Variants in G2E3 observed in about 807,000 individuals in gnomAD.
G2E3 encodes the protein G2/M phase-specific E3 ubiquitin-protein ligase.
Under a neutral mutation model 92.8 loss-of-function variants are expected in G2E3, and 35 were observed. The observed-to-expected ratio is 0.38, with a 90% confidence interval of 0.29 to 0.50. The LOEUF is 0.50. G2E3 is among the 20% of genes least tolerant of loss of function. The pLI, the probability that G2E3 is intolerant of heterozygous loss-of-function variation, is 0.94. For synonymous variants in G2E3, 242 were observed against 272.4 expected (o/e 0.89, Z 1.10); for missense variants, 554 against 823.8 (o/e 0.67, Z 4.01).
At position 30,588,055 on chromosome 14, in the gene G2E3, C is replaced by T. The variant is rs77257173; in HGVS notation, c.135+1240C>T. 4.8e-3 allele frequency among the ~76,000 whole-genome samples: 725 copies of T among 152,248 alleles called. 7 individuals are homozygous for T. The highest frequency in any genetic ancestry group is 0.016 in the African/African-American group (667 of 41,542). ...CTCTAAGACTACAGTCTTGTGCCTC[C>T]GTACCTCAAAGGTTAAATAGAGTAG... On this transcript the variant is annotated intron_variant, in intron 3 of 14. Coordinates refer to ENST00000206595, the MANE Select transcript of G2E3 (RefSeq NM_017769.5).
chr14:30,572,471 G>A (rs1879824680), intron 1 of G2E3, among the ~76,000 whole-genome samples: 1 of 152,120 alleles, frequency 6.6e-6, no homozygotes, highest in Admixed American at 6.6e-5. Context: ...TTGTGTCACA[G>A]TACAGTGTGG....
intron 1 of G2E3, among the ~76,000 whole-genome samples, chr14:30,564,532 C>T (rs1337129481): frequency 1.3e-5 from 2 of 152,094 alleles, no homozygotes; most frequent in Non-Finnish European, 2.9e-5. Context: ...CAGGATATCA[C>T]CATGTTGTCC....
intron 14 of G2E3, among the ~76,000 whole-genome samples, 156 bp downstream of exon 14, chr14:30,615,695 ATGAC>A (rs1423216174): frequency 6.6e-6 from 1 of 152,196 alleles, no homozygotes; most frequent in Non-Finnish European, 1.5e-5. Flanking sequence ...GCAAGTTTAT[ATGAC>A]TGAATTAAAA....
intron 6 of G2E3, among the ~76,000 whole-genome samples, chr14:30,596,908 G>C (rs1254371472): frequency 1.3e-5 from 2 of 152,160 alleles, no homozygotes; most frequent in Admixed American, 1.3e-4. Context: ...ACAGTTTCCT[G>C]TTTCCTTCTG....
chr14:30,563,002 A>G (rs1403309078), intron 1 of G2E3, among the ~76,000 whole-genome samples: 1 of 151,968 alleles, frequency 6.6e-6, no homozygotes, highest in Non-Finnish European at 1.5e-5. Context: ...TGGGGCCACT[A>G]CCAGTCTCCG....
At chr14:30,589,811 G>C (rs957790566) in intron 4 of G2E3, among the ~76,000 whole-genome samples, 4 of 151,894 alleles carry the variant, frequency 2.6e-5, no homozygotes, top group African/African-American at 7.3e-5. Context: ...ACTCCACTCT[G>C]CTGTTCTCTA....
At chr14:30,570,057 T>C (rs891843576) in intron 1 of G2E3, among the ~76,000 whole-genome samples, 3 of 152,246 alleles carry the variant, frequency 2.0e-5, no homozygotes, top group African/African-American at 4.8e-5. Flanking sequence ...ATCTTCACTT[T>C]TGAAACATAG....
At position 30,585,587 on chromosome 14, in the gene G2E3, T is replaced by C. The variant is rs562157608; in HGVS notation, c.38-1131T>C. Among the ~76,000 whole-genome samples the C allele has an allele frequency of 3.0e-4, 45 of 149,466 alleles. No individual in the cohort carries two copies. In the East Asian group the frequency reaches 3.3e-3, roughly 11 times the overall value. On this transcript the variant is annotated intron_variant, in intron 2 of 14. Coordinates refer to ENST00000206595, the MANE Select transcript of G2E3 (RefSeq NM_017769.5). ...TGTAAGTTTTTAATCTTCTCCCCCTTTTTTTTTTTGGTTAGTCTAGTTAAA... is the reference window on the plus strand; with the variant it reads ...TGTAAGTTTTTAATCTTCTCCCCCTCTTTTTTTTTGGTTAGTCTAGTTAAA...
chr14:30,588,887 A>T (rs1880858650), intron 3 of G2E3, among the ~76,000 whole-genome samples: 1 of 152,168 alleles, frequency 6.6e-6, no homozygotes, highest in Non-Finnish European at 1.5e-5. Context: ...AACTTTCTAA[A>T]ATCAAACATT....
intron 3 of G2E3, 97 bp from the exon 4 acceptor site, chr14:30,589,286 G>A: frequency 2.9e-6 from 2 of 684,048 alleles, no homozygotes; most frequent in South Asian, 4.1e-5. Context: ...GCCATTTTAT[G>A]TCTGTTTTTT....
intron 5 of G2E3, among the ~76,000 whole-genome samples, chr14:30,592,921 G>T (rs1881091588): frequency 6.6e-6 from 1 of 152,132 alleles, no homozygotes; most frequent in East Asian, 1.9e-4. Flanking sequence ...AAACATCAAG[G>T]TTTTATGAAT....
intron 8 of G2E3, among the ~76,000 whole-genome samples, chr14:30,600,742 G>C (rs1431447151): frequency 6.6e-6 from 1 of 152,166 alleles, no homozygotes; most frequent in African/African-American, 2.4e-5. Flanking sequence ...AAGGCAGCAT[G>C]GTTAGTGCTT....
intron 2 of G2E3, among the ~76,000 whole-genome samples, chr14:30,581,467 G>A (rs571672635): frequency 1.2e-4 from 18 of 152,332 alleles, no homozygotes; most frequent in African/African-American, 4.1e-4. Flanking sequence ...AGCACTTTAC[G>A]AGGCTGAAGC....
chr14:30,607,656 G>T (rs1051082318), intron 11 of G2E3, among the ~76,000 whole-genome samples: 1 of 151,954 alleles, frequency 6.6e-6, no homozygotes, highest in African/African-American at 2.4e-5. Flanking sequence ...TGGTTATTAT[G>T]GTGGTAGGTT....
At chr14:30,584,404 T>C (rs1880594874) in intron 2 of G2E3, among the ~76,000 whole-genome samples, 1 of 152,222 alleles carries the variant, frequency 6.6e-6, no homozygotes, top group Non-Finnish European at 1.5e-5. Flanking sequence ...AGGAATAGAA[T>C]TACTGTGTCA....
At chr14:30,588,949 C>T (rs2138842218) in intron 3 of G2E3, among the ~76,000 whole-genome samples, 1 of 152,218 alleles carries the variant, frequency 6.6e-6, no homozygotes, top group South Asian at 2.1e-4. Context: ...CTTAATGATT[C>T]AGAATTCAGC....
chr14:30,560,932 C>T, intron 1 of G2E3: 1 of 625,540 alleles, frequency 1.6e-6, no homozygotes, highest in Admixed American at 2.6e-5. Flanking sequence ...GGAACTGGGG[C>T]CAGATTGCCT....
In G2E3 at chr14:30,619,280, C is replaced by T. The variant is rs566907233; in HGVS notation, c.*2746C>T. ...CTATTTTATGCATTTGTAAATTTTT[C>T]CCCTAATTATATGGAAGCTATTGGA... On this transcript the variant is annotated 3_prime_UTR_variant, in exon 15 of 15. Transcript: ENST00000206595. 1 of 152,118 alleles carries T rather than the reference C, an allele frequency of 6.6e-6. No individual in the cohort carries two copies. The highest frequency in any genetic ancestry group is 2.4e-5 in the African/African-American group (1 of 41,546). The allele number at this position is 152,118 out of a possible 1,614,324, so 9.4% of individuals were successfully genotyped here.
intron 1 of G2E3, among the ~76,000 whole-genome samples, chr14:30,568,461 A>C (rs998480348): frequency 2.0e-4 from 31 of 152,102 alleles, no homozygotes; most frequent in Admixed American, 1.5e-3. Flanking sequence ...TCTAAATACT[A>C]TCTTTCTGTT....
Sources: gnomAD v4.1 joint callset for allele counts (sites outside exome capture counted in the v4.1 genomes callset) on GRCh38, gnomAD v4.1.1 for gene constraint, MANE v1.5 for transcripts, NCBI Gene and HGNC (gene_info 2026-07-23, HGNC 2026-07-21) for gene names.